GSAP: variants seen among roughly 807,000 people sequenced by gnomAD.
GSAP encodes the protein gamma-secretase activating protein.
In GSAP, 118 loss-of-function variants were observed where a neutral mutation model predicts 131.7. That is an observed-to-expected ratio of 0.90 (90% confidence interval 0.77 to 1.04). The LOEUF (loss-of-function observed/expected upper bound fraction) is 1.04, where lower values mean the gene tolerates loss of function less well. Ranked by LOEUF, GSAP falls within the 50% of genes least tolerant of loss-of-function variation. GSAP has a pLI of 0.00. For missense variants in GSAP, 1,019 were observed against 1,013.2 expected (o/e 1.01, Z -0.08); for synonymous variants, 381 against 363.4 (o/e 1.05, Z -0.55).
intron 3 of GSAP, among the ~76,000 whole-genome samples, chr7:77,398,513 G>A (rs923804403): frequency 4.6e-5 from 7 of 152,086 alleles, no homozygotes; most frequent in Admixed American, 2.0e-4. Flanking sequence ...CAAAGATAAC[G>A]TAAGTATAAT....
In GSAP at chr7:77,350,427, T is replaced by TA. The variant is rs751767423; in HGVS notation, c.1492-1024dup. 2.7e-3 allele frequency among the ~76,000 whole-genome samples: 355 copies of TA among 133,586 alleles called. 1 individual carries two copies. Among genetic ancestry groups the TA allele is most frequent in the Middle Eastern group, 0.012 (3 of 256 alleles). 87.6% of individuals were successfully genotyped at this position (133,586 alleles called of 152,430 possible). On this transcript the variant is annotated intron_variant, in intron 18 of 30. Coordinates refer to ENST00000257626, the MANE Select transcript of GSAP (RefSeq NM_017439.4). ...ACCCTAAAACTTAAAGTATAATAAT[T>TA]AAAAAAAAAAAAAAAGTTTCTGCAG...
intron 14 of GSAP, among the ~76,000 whole-genome samples, chr7:77,358,309 C>G (rs1198481195): frequency 6.6e-6 from 1 of 152,200 alleles, no homozygotes; most frequent in Non-Finnish European, 1.5e-5. Flanking sequence ...CCACTGCACT[C>G]CAGCCTAGGC....
chr7:77,349,550 A>T lies in GSAP; in HGVS notation c.1492-146T>A, dbSNP rs1046376176. On this transcript the variant is annotated intron_variant, in intron 18 of 30. Transcript: ENST00000257626. ...CTACTTTAAATAAACCTTGGAGGGC[A>T]TAAATAACAGTGAATATAGCCTATC... 5 of 634,350 alleles carry T rather than the reference A, an allele frequency of 7.9e-6. No homozygotes were observed. In the Admixed American group the frequency reaches 1.4e-4, roughly 17 times the overall value. 39.3% of individuals were successfully genotyped at this position (634,350 alleles called of 1,614,324 possible).
At chr7:77,345,850 T>C (rs1791722867) in intron 19 of GSAP, among the ~76,000 whole-genome samples, 1 of 152,236 alleles carries the variant, frequency 6.6e-6, no homozygotes, top group Admixed American at 6.5e-5. Flanking sequence ...AAAGCCTGTT[T>C]GGTGGTCTCT....
At chr7:77,352,358 G>A (rs1249808204) in intron 18 of GSAP, among the ~76,000 whole-genome samples, 1 of 152,220 alleles carries the variant, frequency 6.6e-6, no homozygotes, top group African/African-American at 2.4e-5. Flanking sequence ...CACTTGCTGG[G>A]CCAGCAAAGC....
At chr7:77,321,214 A>G in intron 25 of GSAP, 119 bp downstream of exon 25, 1 of 694,340 alleles carries the variant, frequency 1.4e-6, no homozygotes, top group Middle Eastern at 2.7e-4. Flanking sequence ...GAATTAAGCT[A>G]GATGGTGTTG....
At chr7:77,381,263 G>GAAAA in intron 8 of GSAP, 42 bp downstream of exon 8, 1 of 1,112,056 alleles carries the variant, frequency 9.0e-7, no homozygotes, top group Non-Finnish European at 1.3e-6. Context: ...TCTTTGTGGG[G>GAAAA]AAAAAAAAAC....
intron 26 of GSAP, among the ~76,000 whole-genome samples, chr7:77,320,131 A>C (rs1236029753): frequency 1.3e-5 from 2 of 152,202 alleles, no homozygotes; most frequent in African/African-American, 2.4e-5. Flanking sequence ...TTCTATGTAC[A>C]TCTTCCCAAC....
intron 19 of GSAP, among the ~76,000 whole-genome samples, chr7:77,338,336 T>C (rs982275113): frequency 6.6e-6 from 1 of 152,216 alleles, no homozygotes; most frequent in Non-Finnish European, 1.5e-5. Context: ...GCACCTTGTT[T>C]CAACATATTT....
At chr7:77,354,672 A>T (rs1231191095) in intron 16 of GSAP, among the ~76,000 whole-genome samples, 1 of 116,124 alleles carries the variant, frequency 8.6e-6, no homozygotes, top group East Asian at 2.9e-4. Context: ...TAAAACGTCT[A>T]ATGTCTTTTT....
At chr7:77,357,855 T>C (rs1793985488) in intron 14 of GSAP, among the ~76,000 whole-genome samples, 1 of 152,168 alleles carries the variant, frequency 6.6e-6, no homozygotes, top group Non-Finnish European at 1.5e-5. Flanking sequence ...TACAGAACTT[T>C]AAGAGAATAT....
intron 12 of GSAP, among the ~76,000 whole-genome samples, chr7:77,370,870 T>G (rs1451202749): frequency 6.6e-6 from 1 of 152,204 alleles, no homozygotes; most frequent in African/African-American, 2.4e-5. Flanking sequence ...GTCATTTCTT[T>G]GTGAAACTAC....
intron 5 of GSAP, among the ~76,000 whole-genome samples, chr7:77,388,538 T>C (rs2151078532): frequency 6.6e-6 from 1 of 152,284 alleles, no homozygotes; most frequent in Non-Finnish European, 1.5e-5. Context: ...CAAAGATATC[T>C]AAATTTAGGT....
intron 12 of GSAP, among the ~76,000 whole-genome samples, chr7:77,367,566 G>T (rs1232866221): frequency 6.6e-6 from 1 of 152,144 alleles, no homozygotes; most frequent in Non-Finnish European, 1.5e-5. Flanking sequence ...CTTGACTGTG[G>T]TAGATTAGCT....
At chr7:77,395,170 T>C (rs1328002567) in intron 5 of GSAP, among the ~76,000 whole-genome samples, 1 of 151,968 alleles carries the variant, frequency 6.6e-6, no homozygotes, top group African/African-American at 2.4e-5. Flanking sequence ...TGGTGAACAA[T>C]AGACAGATGT....
At chr7:77,346,429 G>C (rs1392147332) in intron 19 of GSAP, among the ~76,000 whole-genome samples, 2 of 150,982 alleles carry the variant, frequency 1.3e-5, no homozygotes, top group Non-Finnish European at 3.0e-5. Flanking sequence ...GCAGGGCATG[G>C]TGGCTCATAC....
chr7:77,355,767 A>G, intron 14 of GSAP, 120 bp from the exon 15 acceptor site: 1 of 613,962 alleles, frequency 1.6e-6, no homozygotes, highest in Non-Finnish European at 2.9e-6. Context: ...CCAATGTAAT[A>G]AGCTATCTAA....
chr7:77,397,977 C>G (rs1031662026), intron 3 of GSAP, among the ~76,000 whole-genome samples: 1 of 152,094 alleles, frequency 6.6e-6, no homozygotes. Flanking sequence ...AGGTAGACTT[C>G]TTTAATTTTT....
At position 77,330,321 on chromosome 7, in the gene GSAP, T is replaced by C. The variant is rs1224630589; in HGVS notation, c.1592A>G (p.Glu531Gly). 1 of 1,613,940 alleles carries C rather than the reference T, an allele frequency of 6.2e-7. No homozygotes were observed. The highest frequency in any genetic ancestry group is 1.1e-5 in the South Asian group (1 of 91,056). ...GYWEKLNSNL[E>G]YVKYAKPHFH... is the part of the protein sequence containing the mutation. ...GTGTGGCTTGGCGTACTTAACATATTCTAGGTTGGAGTTCAGTTTTTCCCA... is the reference window on the plus strand; with the variant it reads ...GTGTGGCTTGGCGTACTTAACATATCCTAGGTTGGAGTTCAGTTTTTCCCA... The change falls in exon 20 of 31, where the codon GAA becomes GGA. Residue 531 changes from glutamate to glycine, a missense_variant. Transcript: ENST00000257626.
Sources: allele counts gnomAD v4.1 joint callset (sites outside exome capture counted in the v4.1 genomes callset), GRCh38; gene constraint gnomAD v4.1.1; transcripts MANE v1.5; gene names NCBI Gene and HGNC (gene_info 2026-07-23, HGNC 2026-07-21).